Variants in TTBK2 observed in about 807,000 individuals in gnomAD.
TTBK2 encodes the protein tau tubulin kinase 2, also known as tau-tubulin kinase 2.
TTBK2 carries 28 observed loss-of-function variants against 110.8 expected under a neutral mutation model. The ratio of observed to expected loss-of-function variants is 0.25; its 90% CI spans 0.19 to 0.35. The LOEUF is 0.35. TTBK2 is among the 10% of genes least tolerant of loss of function. The pLI, the probability that TTBK2 is intolerant of heterozygous loss-of-function variation, is 1.00. For synonymous variants in TTBK2, 532 were observed against 527.3 expected (o/e 1.01, Z -0.12); for missense variants, 1,369 against 1,500.3 (o/e 0.91, Z 1.45).
At position 42,757,939 on chromosome 15, in the gene TTBK2, T is replaced by C. The variant is rs182351519; in HGVS notation, c.1999-4692A>G. On this transcript the variant is annotated intron_variant, in intron 13 of 14. Transcript: ENST00000267890. ...CCTAGTACTGTTTGACCAAAATTAG[T>C]GTCTTATTTAATAGTTCAGGTAAAG... is the stretch of plus-strand genomic sequence containing the variant. 3.7e-3 allele frequency among the ~76,000 whole-genome samples: 565 copies of C among 152,330 alleles called. 13 individuals carry two copies. The South Asian group carries it at 0.053, about 14-fold the overall frequency.
At chr15:42,883,562 T>C (rs900843242) in intron 1 of TTBK2, among the ~76,000 whole-genome samples, 1 of 151,588 alleles carries the variant, frequency 6.6e-6, no homozygotes, top group Non-Finnish European at 1.5e-5. Context: ...GTAAGCCCTA[T>C]AGCAACCGCT....
At position 42,913,688 on chromosome 15, in the gene TTBK2, C is replaced by T. The variant is rs564833116; in HGVS notation, c.-68+6750G>A. On this transcript the variant is annotated intron_variant, in intron 1 of 14. Transcript: ENST00000267890. ...TTACAGGTCAGTATGGTTACAATTACTGACAACAAAAGTGTAAACAACCTA... is the reference window on the plus strand; with the variant it reads ...TTACAGGTCAGTATGGTTACAATTATTGACAACAAAAGTGTAAACAACCTA... Among the ~76,000 whole-genome samples the T allele has an allele frequency of 1.3e-3, 204 of 152,166 alleles. 6 individuals carry two copies. In the South Asian group the frequency reaches 0.039, roughly 29 times the overall value.
chr15:42,818,577 G>A (rs565249075), intron 6 of TTBK2, among the ~76,000 whole-genome samples: 2 of 151,994 alleles, frequency 1.3e-5, no homozygotes, highest in South Asian at 2.1e-4. Flanking sequence ...AAAATTAGCC[G>A]GGTGTGGTGG....
upstream of TTBK2, chr15:42,920,844 G>A: frequency 6.5e-6 from 1 of 153,166 alleles, no homozygotes; most frequent in Non-Finnish European, 1.5e-5. Context: ...TAGCCCACCT[G>A]CCCTGCCAGC....
At chr15:42,913,784 ACT>A (rs2030926267) in intron 1 of TTBK2, among the ~76,000 whole-genome samples, 1 of 152,180 alleles carries the variant, frequency 6.6e-6, no homozygotes, top group African/African-American at 2.4e-5. Flanking sequence ...GTACAGTATA[ACT>A]TACATGACCA....
chr15:42,783,395 C>T, intron 11 of TTBK2, 24 bp downstream of exon 11: 2 of 1,605,124 alleles, frequency 1.2e-6, no homozygotes, highest in Non-Finnish European at 1.7e-6. Flanking sequence ...AAATAAATTT[C>T]TGTTGTTTAT....
intron 3 of TTBK2, among the ~76,000 whole-genome samples, chr15:42,857,735 A>AT (rs908805674): frequency 5.4e-4 from 80 of 147,202 alleles, no homozygotes; most frequent in South Asian, 8.6e-4. Flanking sequence ...CTTTCATACA[A>AT]TTTTTTTTTT....
chr15:42,920,459 G>A lies in TTBK2; in HGVS notation c.-89C>T, dbSNP rs549073697. 6.6e-6 allele frequency: 1 copy of A among 152,616 alleles called. No individual in the cohort carries two copies. Among genetic ancestry groups the A allele is most frequent in the African/African-American group, 2.4e-5 (1 of 41,564 alleles). 9.5% of individuals were successfully genotyped at this position (152,616 alleles called of 1,614,324 possible). On this transcript the variant is annotated 5_prime_UTR_variant, in exon 1 of 15. Coordinates refer to ENST00000267890, the MANE Select transcript of TTBK2 (RefSeq NM_173500.4). ...CTACCTGGGCCGTGGCGGACGCAGG[G>A]GTTTCTGGAGGAGGGCTCTGGTCCA...
chr15:42,878,809 G>T, intron 1 of TTBK2, 125 bp from the exon 2 acceptor site: 1 of 1,256,250 alleles, frequency 8.0e-7, no homozygotes, highest in Non-Finnish European at 1.1e-6. Context: ...TTGGGAAGAA[G>T]GGGAAAAAGA....
rs375236448 is a variant in TTBK2 at position 42,775,266 on chromosome 15, C to T, written c.1867G>A (p.Glu623Lys). The change falls in exon 13 of 15, where the codon GAG becomes AAG. Residue 623 changes from glutamate (E) to lysine (K), a missense_variant. By Grantham distance (56) the Glu-to-Lys change is moderately conservative (BLOSUM62 1). This residue lies in a region of TTBK2 where 1,097 missense variants were observed against 1,114.7 expected (regional missense o/e 0.98). Coordinates refer to ENST00000267890, the MANE Select transcript of TTBK2 (RefSeq NM_173500.4). Reference sequence around the variant, plus strand: ...TCTGAAGCAGCAGTAGGAGGACCCTCTGCAGAAAGTGCTAAGACCACACCT... The same window carrying T: ...TCTGAAGCAGCAGTAGGAGGACCCTTTGCAGAAAGTGCTAAGACCACACCT... Reference protein sequence around the residue: ...TSGVVLALSAEGPPTAASEQY... With the variant: ...TSGVVLALSAKGPPTAASEQY... 1.5e-5 allele frequency: 25 copies of T among 1,614,252 alleles called. No homozygotes were observed. The highest frequency in any genetic ancestry group is 1.9e-5 in the Non-Finnish European group (23 of 1,180,048).
chr15:42,864,454 C>T (rs1249484322), intron 3 of TTBK2, among the ~76,000 whole-genome samples: 1 of 152,088 alleles, frequency 6.6e-6, no homozygotes, highest in Non-Finnish European at 1.5e-5. Context: ...CATGGTGGCA[C>T]ATGCCTGTAA....
At chr15:42,823,747 T>C (rs892661615) in intron 6 of TTBK2, among the ~76,000 whole-genome samples, 1 of 152,038 alleles carries the variant, frequency 6.6e-6, no homozygotes, top group Non-Finnish European at 1.5e-5. Context: ...GATTTTTTTT[T>C]TTTTTAGCTC....
rs778967150 is a variant in TTBK2, at chr15:42,811,679, C to T, written c.696+9G>A. 2 of 1,612,370 alleles carry T rather than the reference C, an allele frequency of 1.2e-6. No homozygotes were observed. The highest frequency in any genetic ancestry group is 1.7e-5 in the Admixed American group (1 of 59,990). On this transcript the variant is annotated intron_variant, in intron 8 of 14. Coordinates refer to ENST00000267890, the MANE Select transcript of TTBK2 (RefSeq NM_173500.4). ...CTACCACAATTGACATCTCCATTCCCAAAATTACCTTGTCCTTTATTTTTC... is the reference window on the plus strand; with the variant it reads ...CTACCACAATTGACATCTCCATTCCTAAAATTACCTTGTCCTTTATTTTTC...
intron 13 of TTBK2, among the ~76,000 whole-genome samples, chr15:42,770,101 G>A (rs893464958): frequency 1.5e-4 from 18 of 118,252 alleles, no homozygotes; most frequent in African/African-American, 4.2e-4. Context: ...AGGGCCTGTC[G>A]TGGGGTGGGG....
chr15:42,767,839 T>A lies in TTBK2; in HGVS notation c.1998+7296A>T, dbSNP rs145244883. Among the ~76,000 whole-genome samples, 695 of 152,320 alleles carry A rather than the reference T, an allele frequency of 4.6e-3. 8 individuals are homozygous for A. Among genetic ancestry groups the A allele is most frequent in the African/African-American group, 0.016 (669 of 41,580 alleles). On this transcript the variant is annotated intron_variant, in intron 13 of 14. Coordinates refer to ENST00000267890, the MANE Select transcript of TTBK2 (RefSeq NM_173500.4). ...GAGAATTTTAGACCAATATCCCTGA[T>A]GAACATTGATGCACAAATCCTCAAT...
At chr15:42,836,020 A>C (rs1219785215) in intron 4 of TTBK2, among the ~76,000 whole-genome samples, 1 of 152,172 alleles carries the variant, frequency 6.6e-6, no homozygotes, top group Non-Finnish European at 1.5e-5. Flanking sequence ...ACTTGAAAAA[A>C]TGTTTTGCAC....
intron 3 of TTBK2, among the ~76,000 whole-genome samples, chr15:42,851,815 G>A (rs966017071): frequency 6.6e-6 from 1 of 151,854 alleles, no homozygotes; most frequent in Non-Finnish European, 1.5e-5. Flanking sequence ...AAAGTGAGGG[G>A]CTTAAAGGAA....
rs772710773 is a variant in TTBK2, at chr15:42,794,718, A to G, written c.906T>C (p.Asn302=). The change falls in exon 10 of 15, where the codon AAT becomes AAC. Residue 302 remains asparagine, a synonymous_variant. Coordinates refer to ENST00000267890, the MANE Select transcript of TTBK2 (RefSeq NM_173500.4). The part of the protein sequence containing the change: ...SDPFDWEKTG[N]DGSLTTTTTS... ...TAGTGGTGGTTGTTAGGGAGCCATC[A>G]TTTCCAGTCTTCTCCCAGTCAAAAG... 7 of 1,614,040 alleles carry G rather than the reference A, an allele frequency of 4.3e-6. No homozygotes were observed. The highest frequency in any genetic ancestry group is 5.9e-6 in the Non-Finnish European group (7 of 1,180,046).
intron 9 of TTBK2, chr15:42,795,002 G>C (rs1350844056): frequency 1.0e-5 from 7 of 667,070 alleles, no homozygotes; most frequent in Non-Finnish European, 1.8e-5. Context: ...CCGTTGTGTA[G>C]AATGTTTCTG....
Sources: gnomAD v4.1 joint callset for allele counts (sites outside exome capture counted in the v4.1 genomes callset) on GRCh38, gnomAD v4.1.1 for gene constraint, gnomAD v4.1.1 regional missense constraint, MANE v1.5 for transcripts, NCBI Gene and HGNC (gene_info 2026-07-23, HGNC 2026-07-21) for gene names.